The following MAP4K4 variants were observed in gnomAD, a reference collection of about 807,000 sequenced individuals.
MAP4K4 encodes HPK/GCK-like kinase HGK.
Under a neutral mutation model 189.6 loss-of-function variants are expected in MAP4K4, and 38 were observed. The observed-to-expected ratio is 0.20, with a 90% CI of 0.15 to 0.26. The LOEUF is 0.26. Ranked by LOEUF, MAP4K4 falls within the 10% of genes least tolerant of loss-of-function variation. MAP4K4 has a pLI of 1.00. For missense variants in MAP4K4, 1,054 were observed against 1,726.9 expected (o/e 0.61, Z 6.91); for synonymous variants, 610 against 624.3 (o/e 0.98, Z 0.34).
chr2:101,773,883 A>G (rs753316227), intron 2 of MAP4K4, among the ~76,000 whole-genome samples: 24 of 152,182 alleles, frequency 1.6e-4, no homozygotes, highest in Non-Finnish European at 3.2e-4. Context: ...AGTGATCTCC[A>G]GTTCCATCCG....
At chr2:101,748,588 C>G (rs1484933739) in intron 2 of MAP4K4, among the ~76,000 whole-genome samples, 2 of 152,146 alleles carry the variant, frequency 1.3e-5, no homozygotes, top group Non-Finnish European at 2.9e-5. Flanking sequence ...GTGGATGGAT[C>G]TCTTGAGCCC....
At chr2:101,869,654 A>C (rs777295650) in exon 22 of MAP4K4, 3 of 1,610,372 alleles carry the variant, frequency 1.9e-6, no homozygotes, top group Non-Finnish European at 2.5e-6. Flanking sequence ...AGCTTCGAGC[A>C]GTGGAAGATG....
intron 13 of MAP4K4, among the ~76,000 whole-genome samples, chr2:101,856,827 A>T (rs1368530623): frequency 6.6e-6 from 1 of 152,226 alleles, no homozygotes; most frequent in Admixed American, 6.5e-5. Flanking sequence ...ATGATATGTG[A>T]GGACCAATTT....
chr2:101,830,189 G>A (rs1020416487), intron 6 of MAP4K4, among the ~76,000 whole-genome samples: 62 of 152,172 alleles, frequency 4.1e-4, no homozygotes, highest in Admixed American at 3.5e-3. Flanking sequence ...ACAATGTATA[G>A]TTATGTGATT....
At chr2:101,812,592 A>C (rs1443807635) in intron 3 of MAP4K4, among the ~76,000 whole-genome samples, 1 of 151,898 alleles carries the variant, frequency 6.6e-6, no homozygotes, top group African/African-American at 2.4e-5. Context: ...ACTGCCTTAA[A>C]GTTCTATATA....
chr2:101,863,650 A>C (rs1189253252), intron 16 of MAP4K4, among the ~76,000 whole-genome samples, 171 bp from the exon 17 acceptor site: 2 of 152,198 alleles, frequency 1.3e-5, no homozygotes, highest in African/African-American at 4.8e-5. Flanking sequence ...GTGTTCCCAG[A>C]CCACTTCTTC....
intron 3 of MAP4K4, among the ~76,000 whole-genome samples, chr2:101,823,347 C>T (rs545176067): frequency 5.5e-4 from 84 of 152,286 alleles, no homozygotes; most frequent in Admixed American, 5.9e-4. Flanking sequence ...GCCCACTGGA[C>T]GTAGCTGAAC....
chr2:101,867,934 C>A, intron 20 of MAP4K4, 95 bp from the exon 21 acceptor site: 1 of 1,200,880 alleles, frequency 8.3e-7, no homozygotes, highest in Non-Finnish European at 1.2e-6. Flanking sequence ...TTCTGTACTT[C>A]TCCCTCTCCC....
chr2:101,710,948 C>T (rs763604369), intron 2 of MAP4K4, among the ~76,000 whole-genome samples: 10 of 152,188 alleles, frequency 6.6e-5, no homozygotes, highest in Non-Finnish European at 1.5e-4. Flanking sequence ...GAAGCCTTGC[C>T]TCCTACATCT....
At chr2:101,835,512 C>A (rs2096724766) in intron 8 of MAP4K4, among the ~76,000 whole-genome samples, 1 of 152,176 alleles carries the variant, frequency 6.6e-6, no homozygotes, top group African/African-American at 2.4e-5. Flanking sequence ...TCATTCTGTT[C>A]CAGGCATTGT....
chr2:101,789,930 G>A (rs1300347373), intron 2 of MAP4K4, among the ~76,000 whole-genome samples: 1 of 152,072 alleles, frequency 6.6e-6, no homozygotes, highest in South Asian at 2.1e-4. Context: ...TTAGATTCCA[G>A]GTGAGGCATT....
intron 7 of MAP4K4, among the ~76,000 whole-genome samples, chr2:101,832,249 C>T: frequency 6.6e-6 from 1 of 152,146 alleles, no homozygotes; most frequent in East Asian, 1.9e-4. Context: ...AACCACTTTA[C>T]AGCTTTTATT....
chr2:101,709,872 G>GT (rs532546955), intron 2 of MAP4K4, among the ~76,000 whole-genome samples: 2 of 152,116 alleles, frequency 1.3e-5, no homozygotes, highest in Non-Finnish European at 2.9e-5. Context: ...TTATTCTTAA[G>GT]TTTTTTTGTG....
chr2:101,881,740 G>T (rs143627968), intron 27 of MAP4K4, among the ~76,000 whole-genome samples: 2 of 152,112 alleles, frequency 1.3e-5, no homozygotes, highest in Non-Finnish European at 2.9e-5. Flanking sequence ...TTATAAGTAG[G>T]TATTGGGTTT....
chr2:101,700,308 C>T (rs185921795), intron 2 of MAP4K4, among the ~76,000 whole-genome samples: 6 of 152,304 alleles, frequency 3.9e-5, no homozygotes, highest in Non-Finnish European at 8.8e-5. Context: ...CATTTTGGTT[C>T]CATTCCCCGC....
intron 3 of MAP4K4, among the ~76,000 whole-genome samples, chr2:101,797,716 T>TA (rs995637843): frequency 3.3e-5 from 5 of 152,002 alleles, no homozygotes; most frequent in Non-Finnish European, 5.9e-5. Flanking sequence ...GAAAAGCTCT[T>TA]AAAATCAGTT....
intron 2 of MAP4K4, among the ~76,000 whole-genome samples, chr2:101,743,547 A>T (rs2063780836): frequency 6.6e-6 from 1 of 152,124 alleles, no homozygotes; most frequent in South Asian, 2.1e-4. Context: ...CACTGACAGG[A>T]TGCTGTTGTC....
At chr2:101,817,563 C>T (rs1553501908) in intron 3 of MAP4K4, among the ~76,000 whole-genome samples, 1 of 152,174 alleles carries the variant, frequency 6.6e-6, no homozygotes, top group Non-Finnish European at 1.5e-5. Context: ...TAGATACCAG[C>T]TGAGTAGTGC....
At chr2:101,847,968 A>ACC (rs1196794996) in intron 12 of MAP4K4, among the ~76,000 whole-genome samples, 11 of 152,162 alleles carry the variant, frequency 7.2e-5, no homozygotes, top group East Asian at 3.8e-4. Context: ...ACAACTACTT[A>ACC]CCATTGTATT....
Sources: allele counts gnomAD v4.1 joint callset (sites outside exome capture counted in the v4.1 genomes callset), GRCh38; gene constraint gnomAD v4.1.1; transcripts MANE v1.5; gene names NCBI Gene and HGNC (gene_info 2026-07-23, HGNC 2026-07-21).